The following TGFBR2 variants were observed in gnomAD, a reference collection of about 807,000 sequenced individuals.
The protein encoded by TGFBR2 is TGF-beta receptor type-2.
Under a neutral mutation model 49.0 loss-of-function variants are expected in TGFBR2, and 18 were observed. The ratio of observed to expected loss-of-function variants is 0.37; its 90% confidence interval spans 0.25 to 0.54. The LOEUF (loss-of-function observed/expected upper bound fraction) is 0.54, where lower values mean the gene tolerates loss of function less well. Ranked by LOEUF, TGFBR2 falls within the 20% of genes least tolerant of loss-of-function variation. The pLI is 0.85. For synonymous variants in TGFBR2, 282 were observed against 275.9 expected, an observed-to-expected ratio of 1.02 and a Z score of -0.22; for missense variants, 525 against 722.6, an observed-to-expected ratio of 0.73 and a Z score of 3.13.
chr3:30,667,289 G>A (rs1035752671), intron 3 of TGFBR2, among the ~76,000 whole-genome samples: 2 of 152,130 alleles, frequency 1.3e-5, no homozygotes, highest in Non-Finnish European at 2.9e-5. Flanking sequence ...GTTGGTCTTC[G>A]ACTAAAGGAG....
At chr3:30,673,965 C>G in intron 4 of TGFBR2, 140 bp from the exon 5 acceptor site, 4 of 916,480 alleles carry the variant, frequency 4.4e-6, no homozygotes, top group Non-Finnish European at 7.0e-6. Context: ...CCTTTCTGTG[C>G]ATTTCTCATT....
chr3:30,647,827 C>T (rs1224943003), intron 2 of TGFBR2, among the ~76,000 whole-genome samples: 2 of 152,046 alleles, frequency 1.3e-5, no homozygotes, highest in African/African-American at 4.8e-5. Context: ...CAGGTGCACA[C>T]CACCATCACG....
At chr3:30,667,931 G>A (rs1488336253) in intron 3 of TGFBR2, among the ~76,000 whole-genome samples, 1 of 152,164 alleles carries the variant, frequency 6.6e-6, no homozygotes, top group Non-Finnish European at 1.5e-5. Context: ...TCTAGAACAG[G>A]GGTCAGCAAA....
chr3:30,688,458 G>A lies in TGFBR2; in HGVS notation c.1471G>A (p.Val491Met), dbSNP rs754176932. 22 of 1,614,128 alleles carry A rather than the reference G, an allele frequency of 1.4e-5. No homozygotes were observed. Among genetic ancestry groups the A allele is most frequent in the Middle Eastern group, 1.6e-4 (1 of 6,084 alleles). ...CTGTGTCGAAAGCATGAAGGACAAC[G>A]TGTTGAGAGATCGAGGGCGACCAGA... ...HPCVESMKDN[V>M]LRDRGRPEIP... Residue 491 changes from valine (V) to methionine (M), a missense_variant, in exon 6 of 7, where the codon GTG becomes ATG. This residue lies in a region of TGFBR2 where 104 missense variants were observed against 133.4 expected (regional missense o/e 0.78). Transcript: ENST00000295754.
chr3:30,619,188 C>T (rs9790268), intron 1 of TGFBR2, among the ~76,000 whole-genome samples: 56,597 of 152,000 alleles, frequency 0.37, 11,475 homozygotes, highest in Non-Finnish European at 0.45. Context: ...AGAAAAGTTA[C>T]GCAAAATCTA....
Position 30,691,434 on chromosome 3 carries a change from G to A in TGFBR2, c.1539G>A (p.Val513=), listed in dbSNP as rs1369389276. 15 of 1,613,898 alleles carry A rather than the reference G, an allele frequency of 9.3e-6. No homozygotes were observed. The highest frequency in any genetic ancestry group is 1.3e-5 in the Non-Finnish European group (15 of 1,179,930). Residue 513 remains valine, a synonymous_variant, in exon 7 of 7, where the codon GTG becomes GTA. Transcript: ENST00000295754. ...FWLNHQGIQM[V]CETLTECWDH... Reference sequence around the variant, plus strand: ...TCCCGCTACAGGGCATCCAGATGGTGTGTGAGACGTTGACTGAGTGCTGGG... The same window carrying A: ...TCCCGCTACAGGGCATCCAGATGGTATGTGAGACGTTGACTGAGTGCTGGG...
chr3:30,640,356 C>T (rs1698621769), intron 1 of TGFBR2, among the ~76,000 whole-genome samples: 1 of 152,242 alleles, frequency 6.6e-6, no homozygotes, highest in East Asian at 1.9e-4. Context: ...AGATGGTTAG[C>T]TGCTCACAGA....
At chr3:30,619,301 A>G (rs1009141570) in intron 1 of TGFBR2, among the ~76,000 whole-genome samples, 5 of 152,188 alleles carry the variant, frequency 3.3e-5, no homozygotes, top group African/African-American at 1.2e-4. Flanking sequence ...GTCTCTGCTT[A>G]TGGACACCCT....
intron 1 of TGFBR2, among the ~76,000 whole-genome samples, chr3:30,640,260 T>C (rs1226135295): frequency 1.3e-5 from 2 of 152,228 alleles, no homozygotes; most frequent in Non-Finnish European, 2.9e-5. Flanking sequence ...GATGGCTTTC[T>C]AGGTGACAGA....
intron 1 of TGFBR2, among the ~76,000 whole-genome samples, chr3:30,643,433 A>C (rs1023809326): frequency 8.5e-5 from 13 of 152,230 alleles, no homozygotes; most frequent in Non-Finnish European, 1.8e-4. Context: ...TGAGGAAGAA[A>C]ATGGGGAATG....
Position 30,694,121 on chromosome 3 carries a change from G to A in TGFBR2, c.*2522G>A, listed in dbSNP as rs1397242616. 4.4e-6 allele frequency: 1 copy of A among 227,918 alleles called. No individual in the cohort carries two copies. Among genetic ancestry groups the A allele is most frequent in the African/African-American group, 2.2e-5 (1 of 45,030 alleles). The allele number at this position is 227,918 out of a possible 1,614,324, so 14.1% of individuals were successfully genotyped here. ...TACTCAGGTGAGCATCCTGCCTCCT[G>A]TTCCCATTCCTAGTAGCTAAATCCA... On this transcript the variant is annotated 3_prime_UTR_variant, in exon 7 of 7. Transcript: ENST00000295754.
At chr3:30,628,528 G>GT (rs569832149) in intron 1 of TGFBR2, among the ~76,000 whole-genome samples, 4,524 of 80,026 alleles carry the variant, frequency 0.057, 321 homozygotes, top group African/African-American at 0.14. Context: ...AAGCCTGTGG[G>GT]TTTTTTTTTT....
At chr3:30,610,627 T>TTGTA (rs1698012245) in intron 1 of TGFBR2, among the ~76,000 whole-genome samples, 1 of 152,238 alleles carries the variant, frequency 6.6e-6, no homozygotes, top group South Asian at 2.1e-4. Flanking sequence ...GTGTAGCCTG[T>TTGTA]TGTAGTTGCT....
intron 1 of TGFBR2, among the ~76,000 whole-genome samples, chr3:30,617,062 G>A (rs1215270754): frequency 6.8e-6 from 1 of 146,630 alleles, no homozygotes; most frequent in East Asian, 2.1e-4. Flanking sequence ...AAAGCCTAAA[G>A]GAACTTTCAT....
intron 5 of TGFBR2, among the ~76,000 whole-genome samples, chr3:30,674,861 CA>C (rs1196935359): frequency 6.6e-6 from 1 of 152,092 alleles, no homozygotes; most frequent in Non-Finnish European, 1.5e-5. Flanking sequence ...TCCCCAAGTT[CA>C]GCCACCTACT....
At position 30,681,160 on chromosome 3, in the gene TGFBR2, G is replaced by GGAAAA. The variant is rs1553631102; in HGVS notation, c.1396+6914_1396+6915insGAAAA. Among the ~76,000 whole-genome samples the GGAAAA allele has an allele frequency of 8.4e-5, 7 of 82,956 alleles. 1 individual carries two copies. Among genetic ancestry groups the GGAAAA allele is most frequent in the African/African-American group, 1.5e-4 (3 of 20,294 alleles). 54.4% of individuals were successfully genotyped at this position (82,956 alleles called of 152,430 possible). On this transcript the variant is annotated intron_variant, in intron 5 of 6. Coordinates refer to ENST00000295754, the MANE Select transcript of TGFBR2 (RefSeq NM_003242.6). ...TCAAGTTGCTGCAGCCTTGTGAGAT[G>GGAAAA]AAAAAAAAAAAAAAAAAAAAAGTGC...
intron 6 of TGFBR2, among the ~76,000 whole-genome samples, chr3:30,689,978 G>T (rs1699685643): frequency 6.6e-6 from 1 of 152,162 alleles, no homozygotes; most frequent in Admixed American, 6.5e-5. Context: ...ACTCTTAACA[G>T]GGCCATCTGT....
At chr3:30,661,828 A>C (rs1699138762) in intron 3 of TGFBR2, among the ~76,000 whole-genome samples, 1 of 152,218 alleles carries the variant, frequency 6.6e-6, no homozygotes, top group South Asian at 2.1e-4. Flanking sequence ...ATGATGAAGA[A>C]TCTTAAATAG....
In TGFBR2 at chr3:30,624,452, C is replaced by T. The variant is rs540691149; in HGVS notation, c.94+17475C>T. On this transcript the variant is annotated intron_variant, in intron 1 of 6. Coordinates refer to ENST00000295754, the MANE Select transcript of TGFBR2 (RefSeq NM_003242.6). ...CCAACATGGTGAAACCCCGTCTCTACTAAAAATACAAAAATTAACTGGGCG... is the reference window on the plus strand; with the variant it reads ...CCAACATGGTGAAACCCCGTCTCTATTAAAAATACAAAAATTAACTGGGCG... Among the ~76,000 whole-genome samples, 7 of 152,018 alleles carry T rather than the reference C, an allele frequency of 4.6e-5. No individual in the cohort carries two copies. The South Asian group carries it at 1.5e-3, about 32-fold the overall frequency.
Sources: gnomAD v4.1 joint callset for allele counts (sites outside exome capture counted in the v4.1 genomes callset) on GRCh38, gnomAD v4.1.1 for gene constraint, gnomAD v4.1.1 regional missense constraint, MANE v1.5 for transcripts, NCBI Gene and HGNC (gene_info 2026-07-23, HGNC 2026-07-21) for gene names.